GRM1: variants seen among roughly 807,000 people sequenced by gnomAD.
GRM1 encodes glutamate metabotropic receptor 1, also known as metabotropic glutamate receptor 1.
A neutral mutation model predicts 90.9 loss-of-function variants in GRM1; 33 were observed. The ratio of observed to expected loss-of-function variants is 0.36; its 90% CI spans 0.28 to 0.49. The LOEUF (loss-of-function observed/expected upper bound fraction) is 0.49. Among genes scored for constraint, GRM1 ranks in the 20% least tolerant of loss-of-function variants. The pLI is 0.99. For missense variants in GRM1, 1,190 were observed against 1,534.3 expected (o/e 0.78, Z 3.75); for synonymous variants, 700 against 613.2 (o/e 1.14, Z -2.09).
chr6:146,065,862 A>C (rs1775827377), intron 1 of GRM1, among the ~76,000 whole-genome samples: 1 of 152,184 alleles, frequency 6.6e-6, no homozygotes, highest in African/African-American at 2.4e-5. Context: ...ACTATTTTGC[A>C]AAAGAGATGT....
chr6:146,311,853 A>G (rs1783783450), intron 3 of GRM1, among the ~76,000 whole-genome samples: 1 of 152,176 alleles, frequency 6.6e-6, no homozygotes, highest in East Asian at 1.9e-4. Context: ...TTGATTGATC[A>G]TATGATTTTT....
intron 3 of GRM1, among the ~76,000 whole-genome samples, chr6:146,337,678 A>G (rs777091387): frequency 1.3e-5 from 2 of 152,046 alleles, no homozygotes; most frequent in Non-Finnish European, 2.9e-5. Flanking sequence ...CAGCACAATG[A>G]TGTACTTGGT....
intron 2 of GRM1, among the ~76,000 whole-genome samples, chr6:146,276,983 C>T (rs1782394922): frequency 6.6e-6 from 1 of 152,176 alleles, no homozygotes; most frequent in African/African-American, 2.4e-5. Flanking sequence ...TGGGGCAAAC[C>T]TGTAGTCCCA....
chr6:146,151,297 T>G (rs935242191), intron 1 of GRM1, among the ~76,000 whole-genome samples: 5 of 152,216 alleles, frequency 3.3e-5, no homozygotes, highest in Non-Finnish European at 5.9e-5. Context: ...TTTCTCTATA[T>G]GAATGTTTCC....
At chr6:146,099,469 G>C (rs1776977763) in intron 1 of GRM1, among the ~76,000 whole-genome samples, 1 of 152,198 alleles carries the variant, frequency 6.6e-6, no homozygotes, top group Non-Finnish European at 1.5e-5. Flanking sequence ...GGTAGAGGGA[G>C]AGGAAGCTAG....
At chr6:146,189,123 A>C (rs549703998) in intron 2 of GRM1, among the ~76,000 whole-genome samples, 1 of 152,330 alleles carries the variant, frequency 6.6e-6, no homozygotes, top group East Asian at 1.9e-4. Context: ...AAGCAAAAGA[A>C]TTCCAAAGCT....
intron 7 of GRM1, among the ~76,000 whole-genome samples, chr6:146,427,733 G>A (rs562167128): frequency 6.6e-6 from 1 of 152,284 alleles, no homozygotes; most frequent in Admixed American, 6.5e-5. Context: ...TAACTGAGAG[G>A]TGTCTGCGCA....
intron 2 of GRM1, among the ~76,000 whole-genome samples, chr6:146,198,687 G>C (rs1474872735): frequency 6.6e-6 from 1 of 152,030 alleles, no homozygotes; most frequent in Non-Finnish European, 1.5e-5. Flanking sequence ...ATAATGCTTT[G>C]GGTTTCTGAG....
At chr6:146,171,778 A>AT in intron 2 of GRM1, 1 of 300,848 alleles carries the variant, frequency 3.3e-6, no homozygotes, top group Non-Finnish European at 6.9e-6. Flanking sequence ...AGGTGGTGTC[A>AT]TTTGTGAAGA....
At chr6:146,367,326 A>G (rs1197226369) in intron 5 of GRM1, among the ~76,000 whole-genome samples, 1 of 152,150 alleles carries the variant, frequency 6.6e-6, no homozygotes, top group African/African-American at 2.4e-5. Flanking sequence ...TGTTGAAGTC[A>G]GATAGTGTGA....
chr6:146,397,254 A>G (rs554877313), intron 6 of GRM1, among the ~76,000 whole-genome samples: 1 of 152,140 alleles, frequency 6.6e-6, no homozygotes, highest in African/African-American at 2.4e-5. Context: ...AGGCCGAGGC[A>G]GGCTGATCAG....
chr6:146,385,588 T>C (rs538241063), intron 5 of GRM1, among the ~76,000 whole-genome samples: 15 of 152,084 alleles, frequency 9.9e-5, no homozygotes, highest in South Asian at 4.1e-4. Context: ...AAGAAAATTA[T>C]ACCAGGCCAA....
chr6:146,311,503 G>A (rs1410787783), intron 3 of GRM1, among the ~76,000 whole-genome samples: 1 of 152,122 alleles, frequency 6.6e-6, no homozygotes, highest in African/African-American at 2.4e-5. Context: ...TATTCAATAG[G>A]CACAATATTG....
intron 2 of GRM1, among the ~76,000 whole-genome samples, chr6:146,271,460 G>A (rs1219306008): frequency 1.3e-5 from 2 of 152,178 alleles, no homozygotes; most frequent in East Asian, 1.9e-4. Flanking sequence ...GGTGGACAGA[G>A]GAGGAGGCTG....
Position 146,287,578 on chromosome 6 carries a change from C to T in GRM1, c.951-17033C>T, listed in dbSNP as rs115255545. ...CTTTTTCATCAAAATATTCAATCTC[C>T]AATGAATTTAGCATTCCCCAACAGG... On this transcript the variant is annotated intron_variant, in intron 2 of 7. Coordinates refer to ENST00000282753, the MANE Select transcript of GRM1 (RefSeq NM_001278064.2). Among the ~76,000 whole-genome samples the T allele has an allele frequency of 8.9e-3, 1,352 of 152,206 alleles. 19 individuals carry two copies. Among genetic ancestry groups the T allele is most frequent in the African/African-American group, 0.03 (1,247 of 41,538 alleles).
intron 2 of GRM1, among the ~76,000 whole-genome samples, chr6:146,166,593 C>A (rs946473422): frequency 6.6e-6 from 1 of 152,080 alleles, no homozygotes; most frequent in African/African-American, 2.4e-5. Flanking sequence ...CTCCTGCTGC[C>A]CAAATTGGCC....
At chr6:146,238,845 T>C (rs1780746022) in intron 2 of GRM1, among the ~76,000 whole-genome samples, 1 of 152,136 alleles carries the variant, frequency 6.6e-6, no homozygotes, top group Non-Finnish European at 1.5e-5. Context: ...TTCCCTAATA[T>C]GCACCCTTGC....
At chr6:146,161,539 T>C (rs1448557510) in intron 2 of GRM1, among the ~76,000 whole-genome samples, 2 of 152,192 alleles carry the variant, frequency 1.3e-5, no homozygotes, top group Non-Finnish European at 2.9e-5. Context: ...CTACCTCTTT[T>C]ATTCCTCTTA....
chr6:146,376,566 AT>A lies in GRM1; in HGVS notation c.1603-10315del, dbSNP rs78033104. On this transcript the variant is annotated intron_variant, in intron 5 of 7. Coordinates refer to ENST00000282753, the MANE Select transcript of GRM1 (RefSeq NM_001278064.2). ...ATCAAATATACTATTCTATGGTAGA[AT>A]TTTTTTTTCCTTCAGCACTTTAAAT... 0.013 allele frequency among the ~76,000 whole-genome samples: 1,946 copies of A among 151,290 alleles called. 76 individuals carry two copies. In the East Asian group the frequency reaches 0.15, roughly 12 times the overall value.
Sources: gnomAD v4.1 joint callset for allele counts (sites outside exome capture counted in the v4.1 genomes callset) on GRCh38, gnomAD v4.1.1 for gene constraint, MANE v1.5 for transcripts, NCBI Gene and HGNC (gene_info 2026-07-23, HGNC 2026-07-21) for gene names.